GINS1: variants seen among roughly 807,000 people sequenced by gnomAD.
GINS1 encodes DNA replication complex GINS protein PSF1.
Under a neutral mutation model 34.9 loss-of-function variants are expected in GINS1, and 26 were observed. The observed-to-expected ratio is 0.74, with a 90% CI of 0.55 to 1.03. The LOEUF is 1.03. GINS1 is among the 50% of genes least tolerant of loss of function. The probability of loss-of-function intolerance (pLI) is 0.00; values close to 1 mark genes in which losing one functional copy is unlikely to be tolerated. For missense variants in GINS1, 235 were observed against 237.9 expected (o/e 0.99, Z 0.08); for synonymous variants, 97 against 84.4 (o/e 1.15, Z -0.82).
At chr20:25,420,796 A>T in intron 4 of GINS1, 5 of 842,868 alleles carry the variant, frequency 5.9e-6, no homozygotes, top group South Asian at 5.5e-5. Flanking sequence ...AAAAAAAAAA[A>T]GAAAAAAAGA....
At chr20:25,436,306 T>C (rs2424712) in intron 5 of GINS1, among the ~76,000 whole-genome samples, 69,817 of 151,926 alleles carry the variant, frequency 0.46, 16,620 homozygotes, top group East Asian at 0.92. Context: ...TTATAATGTG[T>C]CTCATTGCGA....
At chr20:25,441,942 G>C (rs1213381661) in intron 6 of GINS1, among the ~76,000 whole-genome samples, 166 bp downstream of exon 6, 1 of 152,104 alleles carries the variant, frequency 6.6e-6, no homozygotes. Context: ...ATTAAGACTG[G>C]AAGCAAATGT....
At chr20:25,432,559 C>G (rs1359483393) in intron 5 of GINS1, among the ~76,000 whole-genome samples, 1 of 151,978 alleles carries the variant, frequency 6.6e-6, no homozygotes, top group Non-Finnish European at 1.5e-5. Flanking sequence ...CTCCATCTCC[C>G]GAGTTCAAGC....
At position 25,441,758 on chromosome 20, in the gene GINS1, A is replaced by T. The variant is rs746803614; in HGVS notation, c.504A>T (p.Leu168=). 2 of 1,545,642 alleles carry T rather than the reference A, an allele frequency of 1.3e-6. No homozygotes were observed. The highest frequency in any genetic ancestry group is 1.2e-5 in the South Asian group (1 of 86,624). ...AAGTTGATGATGGCACTTCAGTCCT[A>T]TTAAAAAAAAATAGCCAGGTATTTC... ...EFEVDDGTSV[L]LKKNSQHFLP... is the part of the protein sequence containing the mutation. The change falls in exon 6 of 7, where the codon CTA becomes CTT. Residue 168 remains leucine, a synonymous_variant. Transcript: ENST00000262460.
rs34107871 is a variant in GINS1 at position 25,438,119 on chromosome 20, CA to C, written c.448-3565del. Among the ~76,000 whole-genome samples the C allele has an allele frequency of 8.8e-3, 864 of 98,252 alleles. 10 individuals are homozygous for C. Among genetic ancestry groups the C allele is most frequent in the East Asian group, 0.071 (276 of 3,872 alleles). 64.5% of individuals were successfully genotyped at this position (98,252 alleles called of 152,430 possible). ...GGGCAACAAGAGCAAAACTCCGTCTCAAAAAAAAAAAAAAAAAAGTATTGAT... is the reference window on the plus strand; with the variant it reads ...GGGCAACAAGAGCAAAACTCCGTCTCAAAAAAAAAAAAAAAAAGTATTGAT... On this transcript the variant is annotated intron_variant, in intron 5 of 6. Transcript: ENST00000262460.
At chr20:25,428,726 G>T (rs1426069276) in intron 5 of GINS1, among the ~76,000 whole-genome samples, 1 of 151,842 alleles carries the variant, frequency 6.6e-6, no homozygotes, top group Non-Finnish European at 1.5e-5. Context: ...TTCTTAATAA[G>T]ACTGCCCTTT....
intron 5 of GINS1, among the ~76,000 whole-genome samples, chr20:25,431,413 CT>C (rs772160052): frequency 4.4e-4 from 67 of 151,904 alleles, no homozygotes; most frequent in Non-Finnish European, 9.0e-4. Context: ...TTAATGTCTG[CT>C]CTAATCATTA....
intron 4 of GINS1, among the ~76,000 whole-genome samples, chr20:25,424,203 C>G (rs1321847319): frequency 6.6e-6 from 1 of 152,164 alleles, no homozygotes. Context: ...GTTGTAATTA[C>G]TGTAACTATA....
rs1404613931 is a variant in GINS1 at position 25,417,201 on chromosome 20, C to T, written c.238C>T (p.Leu80=). ...AAATCGACGCTGCACTGTAGCATACCTGTAAGCTTCTCAGTTTTTGCTTGG... is the reference window on the plus strand; with the variant it reads ...AAATCGACGCTGCACTGTAGCATACTTGTAAGCTTCTCAGTTTTTGCTTGG... ...LRNRRCTVAY[L]YDRLLRIRAL... Residue 80 remains leucine, a splice_region_variant and synonymous_variant, in exon 3 of 7, where the codon CTG becomes TTG. Transcript: ENST00000262460. The T allele has an allele frequency of 2.7e-6, 4 of 1,484,508 alleles. No homozygotes were observed. The highest frequency in any genetic ancestry group is 3.7e-6 in the Non-Finnish European group (4 of 1,066,674). 92.0% of individuals were successfully genotyped at this position (1,484,508 alleles called of 1,614,324 possible).
chr20:25,444,032 G>A (rs192027346), intron 6 of GINS1, among the ~76,000 whole-genome samples: 2,235 of 115,844 alleles, frequency 0.019, 51 homozygotes, highest in African/African-American at 0.07. Context: ...TTTTTTTCGA[G>A]ATGGACTCTC....
In GINS1 at chr20:25,448,193, C is replaced by T. The variant is rs902446084; in HGVS notation, c.*2202C>T. ...AACAACAACAAAAACCCCTGTTGGGCACCTTGATTGAGATTGCATTGAATT... is the reference window on the plus strand; with the variant it reads ...AACAACAACAAAAACCCCTGTTGGGTACCTTGATTGAGATTGCATTGAATT... On this transcript the variant is annotated 3_prime_UTR_variant, in exon 7 of 7. Coordinates refer to ENST00000262460, the MANE Select transcript of GINS1 (RefSeq NM_021067.5). The T allele has an allele frequency of 6.6e-6, 1 of 152,164 alleles. No homozygotes were observed. The highest frequency in any genetic ancestry group is 2.4e-5 in the African/African-American group (1 of 41,446). 9.4% of individuals were successfully genotyped at this position (152,164 alleles called of 1,614,324 possible). A position where few individuals can be genotyped will look rare whatever the true frequency, so the allele number is the denominator to read the frequency against.
Position 25,417,161 on chromosome 20 carries a change from C to G in GINS1, c.198C>G (p.His66Gln). The G allele has an allele frequency of 6.3e-7, 1 of 1,599,982 alleles. No homozygotes were observed. Among genetic ancestry groups the G allele is most frequent in the Non-Finnish European group, 8.6e-7 (1 of 1,167,636 alleles). Residue 66 changes from histidine (H) to glutamine (Q), a missense_variant, in exon 3 of 7, where the codon CAC (histidine) becomes CAG (glutamine). By Grantham distance (24) the His-to-Gln change is conservative (BLOSUM62 0). Transcript: ENST00000262460. ...TGATACCAACTATCAAATTTCGACA[C>G]TGTTCTCTGTTAAGAAATCGACGCT... is the stretch of plus-strand genomic sequence containing the variant. ...SDLIPTIKFR[H>Q]CSLLRNRRCT...
At chr20:25,420,146 T>A (rs766327472) in intron 4 of GINS1, among the ~76,000 whole-genome samples, 20 of 152,024 alleles carry the variant, frequency 1.3e-4, no homozygotes, top group South Asian at 4.2e-4. Flanking sequence ...ATATATATAT[T>A]TTTTTGAGAT....
chr20:25,407,681 C>T lies in GINS1; in HGVS notation c.-140C>T. On this transcript the variant is annotated 5_prime_UTR_variant, in exon 1 of 7. Coordinates refer to ENST00000262460, the MANE Select transcript of GINS1 (RefSeq NM_021067.5). ...TCCTATTGGCTAGCTTTGTTCGGCG[C>T]CAAAGCGCGGAGCGGAGGCCGAGGC... is the stretch of plus-strand genomic sequence containing the variant. 4.3e-6 allele frequency: 3 copies of T among 702,726 alleles called. No individual in the cohort carries two copies. The South Asian group carries it at 5.3e-5, about 13-fold the overall frequency. 43.5% of individuals were successfully genotyped at this position (702,726 alleles called of 1,614,324 possible). A position where few individuals can be genotyped will look rare whatever the true frequency, so the allele number is the denominator to read the frequency against.
intron 4 of GINS1, chr20:25,421,022 C>A: frequency 2.3e-5 from 21 of 926,570 alleles, no homozygotes; most frequent in Non-Finnish European, 2.7e-5. Flanking sequence ...CCTATGAGGT[C>A]TGAATGTCAT....
At chr20:25,441,631 G>A (rs2090482359) in intron 5 of GINS1, 71 bp from the exon 6 acceptor site, 1 of 744,664 alleles carries the variant, frequency 1.3e-6, no homozygotes, top group African/African-American at 1.8e-5. Flanking sequence ...TTTGTATAAT[G>A]CTGATTTATT....
chr20:25,420,650 T>C (rs956223791), intron 4 of GINS1, among the ~76,000 whole-genome samples: 1 of 151,774 alleles, frequency 6.6e-6, no homozygotes, highest in Non-Finnish European at 1.5e-5. Flanking sequence ...TGTGGTGGTG[T>C]GCACCTGTAA....
Position 25,407,772 on chromosome 20 carries a change from G to A in GINS1, c.-49G>A, listed in dbSNP as rs1322179590. The A allele has an allele frequency of 7.0e-7, 1 of 1,424,678 alleles. No homozygotes were observed. The highest frequency in any genetic ancestry group is 1.4e-5 in the African/African-American group (1 of 71,306). 88.3% of individuals were successfully genotyped at this position (1,424,678 alleles called of 1,614,324 possible). A position where few individuals can be genotyped will look rare whatever the true frequency, so the allele number is the denominator to read the frequency against. On this transcript the variant is annotated 5_prime_UTR_variant, in exon 1 of 7. Transcript: ENST00000262460. ...CGCCGAGAGCCCAGATACCATTTTG[G>A]CGTGAGAGCTGGTGGTTGGCAAGGC...
Position 25,407,839 on chromosome 20 carries a change from A to G in GINS1, c.19A>G (p.Met7Val), listed in dbSNP as rs369461117. 9.3e-6 allele frequency: 15 copies of G among 1,613,894 alleles called. No homozygotes were observed. The highest frequency in any genetic ancestry group is 4.5e-5 in the East Asian group (2 of 44,900). ...GTCCGCCATGTTCTGCGAAAAAGCC[A>G]TGGAACTGATCCGCGAGCTGCATCG... MFCEKA[M>V]ELIRELHRAP... Residue 7 changes from methionine (M) to valine (V), a missense_variant, in exon 1 of 7, where the codon ATG (methionine) becomes GTG (valine). Coordinates refer to ENST00000262460, the MANE Select transcript of GINS1 (RefSeq NM_021067.5).
Sources: allele counts gnomAD v4.1 joint callset (sites outside exome capture counted in the v4.1 genomes callset), GRCh38; gene constraint gnomAD v4.1.1; transcripts MANE v1.5; gene names NCBI Gene and HGNC (gene_info 2026-07-23, HGNC 2026-07-21).